Variants in CD180 observed in about 807,000 individuals in gnomAD.
CD180 encodes CD180 molecule.
Under a neutral mutation model 10.7 loss-of-function variants are expected in CD180, and 11 were observed. The ratio of observed to expected loss-of-function variants is 1.03; its 90% CI spans 0.65 to 1.70. The LOEUF is 1.70. CD180 is among the 40% of genes most tolerant of loss of function. The probability of loss-of-function intolerance (pLI) is 0.00; values close to 1 mark genes in which losing one functional copy is unlikely to be tolerated. For missense variants in CD180, 729 were observed against 775.2 expected, an observed-to-expected ratio of 0.94 and a Z score of 0.71; for synonymous variants, 286 against 294.6, an observed-to-expected ratio of 0.97 and a Z score of 0.30.
At chr5:67,189,812 TGA>T (rs1742267105) in intron 1 of CD180, among the ~76,000 whole-genome samples, 1 of 152,142 alleles carries the variant, frequency 6.6e-6, no homozygotes, top group Non-Finnish European at 1.5e-5. Flanking sequence ...TCTGTTTGAT[TGA>T]GAGTACACTA....
intron 1 of CD180, among the ~76,000 whole-genome samples, chr5:67,186,695 C>A (rs185459910): frequency 1.7e-4 from 26 of 152,242 alleles, no homozygotes; most frequent in Admixed American, 1.4e-3. Flanking sequence ...GTATGTGAGA[C>A]AATGTGAGGT....
intron 1 of CD180, among the ~76,000 whole-genome samples, chr5:67,186,848 CTG>C (rs56004314): frequency 8.7e-4 from 127 of 146,612 alleles, no homozygotes; most frequent in Non-Finnish European, 1.0e-3. Context: ...TTTGTTCTAT[CTG>C]TGTGTGTGTG....
At chr5:67,195,372 A>G (rs1039617907) in intron 1 of CD180, among the ~76,000 whole-genome samples, 1 of 152,170 alleles carries the variant, frequency 6.6e-6, no homozygotes, top group Admixed American at 6.5e-5. Flanking sequence ...ATGTGCCACC[A>G]TGCCCAGCTA....
chr5:67,183,888 C>T lies in CD180; in HGVS notation c.955G>A (p.Gly319Ser), dbSNP rs1742118785. 3.1e-6 allele frequency: 5 copies of T among 1,614,066 alleles called. No homozygotes were observed. Among genetic ancestry groups the T allele is most frequent in the South Asian group, 1.1e-5 (1 of 91,064 alleles). Residue 319 changes from glycine to serine, a missense_variant, in exon 3 of 3, where the codon GGT (glycine) becomes AGT (serine). Gly to Ser is a moderately conservative substitution (Grantham distance 56). Coordinates refer to ENST00000256447, the MANE Select transcript of CD180 (RefSeq NM_005582.3). ...HLKGLPSGMK[G>S]LNLLKKLVLS... ...ACTAATTTCTTGAGCAAGTTCAGAC[C>T]CTTCATCCCAGAGGGTAACCCTTTC...
chr5:67,183,701 T>C lies in CD180; in HGVS notation c.1142A>G (p.Asp381Gly). Residue 381 changes from aspartate (D) to glycine (G), a missense_variant, in exon 3 of 3, where the codon GAC (aspartate) becomes GGC (glycine). Asp to Gly is a moderately conservative substitution (Grantham distance 94). Coordinates refer to ENST00000256447, the MANE Select transcript of CD180 (RefSeq NM_005582.3). ...NLQTLDLSHNDIEASDCCSLQ... is the reference protein window; with the variant it reads ...NLQTLDLSHNGIEASDCCSLQ... Reference sequence around the variant, plus strand: ...ACTGCAGCAGTCAGAAGCCTCTATGTCATTATGGCTTAAATCAAGTGTCTG... The same window carrying C: ...ACTGCAGCAGTCAGAAGCCTCTATGCCATTATGGCTTAAATCAAGTGTCTG... 6.2e-7 allele frequency: 1 copy of C among 1,614,158 alleles called. No individual in the cohort carries two copies. Among genetic ancestry groups the C allele is most frequent in the Non-Finnish European group, 8.5e-7 (1 of 1,180,008 alleles).
In CD180 at chr5:67,185,915, A is replaced by T. The variant is rs769078146; in HGVS notation, c.193T>A (p.Leu65Met). 1.9e-6 allele frequency: 3 copies of T among 1,612,118 alleles called. No homozygotes were observed. The East Asian group carries it at 6.7e-5, about 36-fold the overall frequency. ...TEFLEFSFNF[L>M]PTIHNRTFSR... ...AAGGTTCTATTGTGAATTGTAGGCA[A>T]AAAATTAAAGCTGAATTCCAAAAAT... Residue 65 changes from leucine to methionine, a missense_variant, in exon 2 of 3, where the codon TTG becomes ATG. Transcript: ENST00000256447.
chr5:67,182,661 T>C lies in CD180; in HGVS notation c.*196A>G, dbSNP rs1742072092. On this transcript the variant is annotated 3_prime_UTR_variant, in exon 3 of 3. Transcript: ENST00000256447. ...GCATCTGACCCTCTGGACTGAGTCATTCGGTGTACTTGCCTAGAAGGTTCT... is the reference window on the plus strand; with the variant it reads ...GCATCTGACCCTCTGGACTGAGTCACTCGGTGTACTTGCCTAGAAGGTTCT... The C allele has an allele frequency of 9.6e-6, 5 of 519,288 alleles. No homozygotes were observed. Among genetic ancestry groups the C allele is most frequent in the Non-Finnish European group, 1.7e-5 (5 of 293,012 alleles). The allele number at this position is 519,288 out of a possible 1,614,324, so 32.2% of individuals were successfully genotyped here.
In CD180 at chr5:67,180,565, C is replaced by A. The variant is rs749296439; in HGVS notation, c.*2292G>T. The A allele has an allele frequency of 2.0e-5, 3 of 152,156 alleles. No individual in the cohort carries two copies. The highest frequency in any genetic ancestry group is 2.9e-5 in the Non-Finnish European group (2 of 68,038). The allele number at this position is 152,156 out of a possible 1,614,324, so 9.4% of individuals were successfully genotyped here. A position where few individuals can be genotyped will look rare whatever the true frequency, so the allele number is the denominator to read the frequency against. On this transcript the variant is annotated 3_prime_UTR_variant, in exon 3 of 3. Transcript: ENST00000256447. ...GGCCTGGGAATCCATTTTGTAAAAA[C>A]TTCCCTAGGAGATGCCAGTGAAAAA...
Position 67,183,430 on chromosome 5 carries a change from G to T in CD180, c.1413C>A (p.Leu471=), listed in dbSNP as rs748077269. 1.2e-6 allele frequency: 2 copies of T among 1,614,204 alleles called. No homozygotes were observed. The highest frequency in any genetic ancestry group is 1.7e-5 in the Admixed American group (1 of 60,026). ...NQHLLAGLPV[L]RHLNLKGNHF... ...GATTCCCTTTTAAGTTGAGATGCCG[G>T]AGAACTGGTAGGCCTGCTAGAAGAT... is the stretch of plus-strand genomic sequence containing the variant. The change falls in exon 3 of 3, where the codon CTC becomes CTA. Residue 471 remains leucine, a synonymous_variant. Transcript: ENST00000256447.
chr5:67,183,364 C>G lies in CD180; in HGVS notation c.1479G>C (p.Gln493His), dbSNP rs762835483. 7 of 1,614,202 alleles carry G rather than the reference C, an allele frequency of 4.3e-6. No homozygotes were observed. Among genetic ancestry groups the G allele is most frequent in the South Asian group, 1.1e-5 (1 of 91,078 alleles). The change falls in exon 3 of 3, where the codon CAG (glutamine) becomes CAC (histidine). Residue 493 changes from glutamine to histidine, a missense_variant. Coordinates refer to ENST00000256447, the MANE Select transcript of CD180 (RefSeq NM_005582.3). ...TCAGAACCTCCAAGCTGCCCACGGTCTGAAGTAGGTTGGTCTTCGTGATAG... is the reference window on the plus strand; with the variant it reads ...TCAGAACCTCCAAGCTGCCCACGGTGTGAAGTAGGTTGGTCTTCGTGATAG... ...DGTITKTNLL[Q>H]TVGSLEVLIL...
At chr5:67,190,808 G>C (rs1742290681) in intron 1 of CD180, 2 of 410,412 alleles carry the variant, frequency 4.9e-6, no homozygotes, top group Non-Finnish European at 6.6e-6. Context: ...TCTCAATCAG[G>C]CTCTTATTTT....
At chr5:67,185,325 ACACG>A (rs57745429) in intron 2 of CD180, among the ~76,000 whole-genome samples, 2,715 of 147,736 alleles carry the variant, frequency 0.018, 77 homozygotes, top group African/African-American at 0.059. Flanking sequence ...ACACACACAC[ACACG>A]CAGTATAGCC....
rs957136690 is a variant in CD180, at chr5:67,183,848, T to C, written c.995A>G (p.His332Arg). ...LLKKLVLSVN[H>R]FDQLCQISAA... Reference sequence around the variant, plus strand: ...ACTGATTTGACACAATTGATCGAAATGATTTACACTGAGAACTAATTTCTT... The same window carrying C: ...ACTGATTTGACACAATTGATCGAAACGATTTACACTGAGAACTAATTTCTT... The change falls in exon 3 of 3, where the codon CAT becomes CGT. Residue 332 changes from histidine (H) to arginine (R), a missense_variant. Physicochemically the swap from His to Arg is conservative, Grantham distance 29. Transcript: ENST00000256447. 11 of 1,614,080 alleles carry C rather than the reference T, an allele frequency of 6.8e-6. No homozygotes were observed. In the African/African-American group the frequency reaches 1.5e-4, roughly 22 times the overall value.
chr5:67,187,097 A>G (rs5744514), intron 1 of CD180, among the ~76,000 whole-genome samples: 3,523 of 152,334 alleles, frequency 0.023, 134 homozygotes, highest in African/African-American at 0.079. Context: ...GATTTTGTAA[A>G]TGACAGTGGA....
Position 67,182,566 on chromosome 5 carries a change from C to A in CD180, c.*291G>T. ...TGGGAGACTCCGGGGCCGGCAGTCC[C>A]TGCCCAGTCCCTCCCTCTGCTTCCT... On this transcript the variant is annotated 3_prime_UTR_variant, in exon 3 of 3. Transcript: ENST00000256447. 4.2e-6 allele frequency: 1 copy of A among 239,800 alleles called. No homozygotes were observed. Among genetic ancestry groups the A allele is most frequent in the Non-Finnish European group, 8.0e-6 (1 of 124,446 alleles). The allele number at this position is 239,800 out of a possible 1,614,324, so 14.9% of individuals were successfully genotyped here. A position where few individuals can be genotyped will look rare whatever the true frequency, so the allele number is the denominator to read the frequency against.
In CD180 at chr5:67,184,411, TG is replaced by T. The variant is rs1742137854; in HGVS notation, c.431del (p.Pro144GlnfsTer32). On this transcript the variant is annotated frameshift_variant, in exon 3 of 3. Coordinates refer to ENST00000256447, the MANE Select transcript of CD180 (RefSeq NM_005582.3). LOFTEE classifies it low-confidence loss of function (END_TRUNC). ...QTGISNLEFI[P>X]VHNLENLESL... ...TTTCCAAGTTTTCCAGATTGTGCACTGGAATAAACTCGAGATTGGATATTCC... is the reference window on the plus strand; with the variant it reads ...TTTCCAAGTTTTCCAGATTGTGCACTGAATAAACTCGAGATTGGATATTCC... 1.2e-6 allele frequency: 2 copies of T among 1,613,810 alleles called. No individual in the cohort carries two copies. Among genetic ancestry groups the T allele is most frequent in the Admixed American group, 3.3e-5 (2 of 60,006 alleles).
intron 1 of CD180, among the ~76,000 whole-genome samples, chr5:67,193,328 T>G (rs1742344259): frequency 3.9e-5 from 6 of 152,220 alleles, no homozygotes; most frequent in Admixed American, 3.9e-4. Context: ...CGGGGTAATT[T>G]ACCCTTGAAA....
In CD180 at chr5:67,185,955, T is replaced by C. The variant is rs754130232; in HGVS notation, c.153A>G (p.Leu51=). The C allele has an allele frequency of 6.2e-5, 100 of 1,611,664 alleles. No homozygotes were observed. Among genetic ancestry groups the C allele is most frequent in the Non-Finnish European group, 8.2e-5 (97 of 1,178,804 alleles). The change falls in exon 2 of 3, where the codon CTA becomes CTG. Residue 51 remains leucine (L), a synonymous_variant. Coordinates refer to ENST00000256447, the MANE Select transcript of CD180 (RefSeq NM_005582.3). ...NLGLSEIPDT[L]PNTTEFLEFS... ...ATTCCAAAAATTCTGTTGTGTTTGG[T>C]AGAGTGTCAGGGATTTCACTGAGAC...
rs757302997 is a variant in CD180 at position 67,183,533 on chromosome 5, G to A, written c.1310C>T (p.Pro437Leu). ...LAFTRLHINAPQSPFQNLHFL... is the reference protein window; with the variant it reads ...LAFTRLHINALQSPFQNLHFL... ...ATGGAGGTTTTGGAAGGGACTTTGT[G>A]GAGCATTAATGTGTAAGCGGGTAAA... The change falls in exon 3 of 3, where the codon CCA (proline) becomes CTA (leucine). Residue 437 changes from proline (P) to leucine (L), a missense_variant. Pro to Leu is a moderately conservative substitution (Grantham distance 98). Transcript: ENST00000256447. 5 of 1,614,062 alleles carry A rather than the reference G, an allele frequency of 3.1e-6. No individual in the cohort carries two copies. In the African/African-American group the frequency reaches 6.7e-5, roughly 22 times the overall value.
Sources: allele counts gnomAD v4.1 joint callset (sites outside exome capture counted in the v4.1 genomes callset), GRCh38; gene constraint gnomAD v4.1.1; transcripts MANE v1.5; gene names NCBI Gene and HGNC (gene_info 2026-07-23, HGNC 2026-07-21).